LNX1: variants seen among roughly 807,000 people sequenced by gnomAD.
The protein encoded by LNX1 is ligand of numb-protein X 1.
A neutral mutation model predicts 68.4 loss-of-function variants in LNX1; 54 were observed. The ratio of observed to expected loss-of-function variants is 0.79; its 90% CI spans 0.63 to 0.99. The LOEUF (loss-of-function observed/expected upper bound fraction) is 0.99, where lower values mean the gene tolerates loss of function less well. Among genes scored for constraint, LNX1 ranks in the 50% least tolerant of loss-of-function variants. LNX1 has a pLI of 0.00. For missense variants in LNX1, 906 were observed against 926.4 expected (o/e 0.98, Z 0.29); for synonymous variants, 336 against 350.0 (o/e 0.96, Z 0.45).
intron 1 of LNX1, among the ~76,000 whole-genome samples, chr4:53,589,609 G>A (rs574036033): frequency 9.9e-5 from 15 of 152,142 alleles, no homozygotes; most frequent in Non-Finnish European, 1.9e-4. Context: ...TAGATCATGG[G>A]GATTATTATC....
chr4:53,562,680 G>A (rs1391223663), intron 2 of LNX1, among the ~76,000 whole-genome samples: 2 of 152,146 alleles, frequency 1.3e-5, no homozygotes, highest in Admixed American at 1.3e-4. Context: ...CAGTTAGACA[G>A]GAGGCATAAA....
intron 2 of LNX1, among the ~76,000 whole-genome samples, chr4:53,564,940 C>G (rs1328671791): frequency 6.6e-6 from 1 of 152,194 alleles, no homozygotes; most frequent in Non-Finnish European, 1.5e-5. Flanking sequence ...GCTTTTCCGA[C>G]GGGCTTAAAA....
intron 6 of LNX1, among the ~76,000 whole-genome samples, chr4:53,484,144 C>T (rs1485540867): frequency 6.6e-6 from 1 of 152,102 alleles, no homozygotes; most frequent in Non-Finnish European, 1.5e-5. Context: ...TTCTTGACCT[C>T]CAGAACTGTG....
intron 2 of LNX1, among the ~76,000 whole-genome samples, chr4:53,568,593 G>GGGGGGCACAAGAC (rs1347171601): frequency 1.3e-5 from 2 of 151,202 alleles, no homozygotes; most frequent in Non-Finnish European, 2.9e-5. Context: ...GCACAAGACA[G>GGGGGGCACAAGAC]GGGGGCACAA....
chr4:53,460,790 C>G lies in LNX1; in HGVS notation c.*117G>C. On this transcript the variant is annotated 3_prime_UTR_variant, in exon 11 of 11. Coordinates refer to ENST00000263925, the MANE Select transcript of LNX1 (RefSeq NM_001126328.3). ...CTTTCATTAGATGATCATACTTTTCCTGACATTTTTACAATGTATTCTTTC... is the reference window on the plus strand; with the variant it reads ...CTTTCATTAGATGATCATACTTTTCGTGACATTTTTACAATGTATTCTTTC... 1 of 1,061,070 alleles carries G rather than the reference C, an allele frequency of 9.4e-7. No individual in the cohort carries two copies. Among genetic ancestry groups the G allele is most frequent in the Non-Finnish European group, 1.4e-6 (1 of 738,854 alleles). 65.7% of individuals were successfully genotyped at this position (1,061,070 alleles called of 1,614,324 possible). A position where few individuals can be genotyped will look rare whatever the true frequency, so the allele number is the denominator to read the frequency against.
intron 2 of LNX1, among the ~76,000 whole-genome samples, chr4:53,597,261 A>G (rs971666034): frequency 2.6e-5 from 4 of 152,166 alleles, no homozygotes; most frequent in African/African-American, 7.2e-5. Flanking sequence ...CCATCAATTG[A>G]TATTCCTGAT....
At chr4:53,537,667 C>T (rs1728469227) in intron 2 of LNX1, among the ~76,000 whole-genome samples, 1 of 152,224 alleles carries the variant, frequency 6.6e-6, no homozygotes, top group Non-Finnish European at 1.5e-5. Flanking sequence ...AGGAGCCCCA[C>T]ACAGGTGGAT....
intron 2 of LNX1, among the ~76,000 whole-genome samples, chr4:53,548,745 T>G (rs1173635294): frequency 6.6e-6 from 1 of 152,210 alleles, no homozygotes; most frequent in Non-Finnish European, 1.5e-5. Flanking sequence ...TGCAGCAGTA[T>G]TCACAATAGC....
At chr4:53,638,103 A>G (rs954673033) in intron 1 of LNX1, among the ~76,000 whole-genome samples, 10 of 152,196 alleles carry the variant, frequency 6.6e-5, no homozygotes, top group Non-Finnish European at 1.0e-4. Flanking sequence ...ATCATGATAT[A>G]CTGCATTAAT....
chr4:53,611,982 G>T (rs1447517749), intron 2 of LNX1, among the ~76,000 whole-genome samples: 1 of 152,118 alleles, frequency 6.6e-6, no homozygotes, highest in East Asian at 1.9e-4. Context: ...TCTATATAGT[G>T]TGAACACTAG....
At chr4:53,533,081 C>A (rs986886737) in intron 2 of LNX1, among the ~76,000 whole-genome samples, 3 of 152,204 alleles carry the variant, frequency 2.0e-5, no homozygotes, top group African/African-American at 4.8e-5. Flanking sequence ...GGCCACATAT[C>A]AACACATGGC....
At chr4:53,528,830 G>A (rs1329211690) in intron 2 of LNX1, among the ~76,000 whole-genome samples, 2 of 152,108 alleles carry the variant, frequency 1.3e-5, no homozygotes, top group African/African-American at 4.8e-5. Flanking sequence ...ATCAAACCTA[G>A]CCAATCAGGA....
intron 2 of LNX1, among the ~76,000 whole-genome samples, chr4:53,510,843 G>T (rs888911312): frequency 3.3e-5 from 5 of 152,180 alleles, no homozygotes; most frequent in African/African-American, 1.2e-4. Flanking sequence ...GCTGGCAAAG[G>T]TACAAGCCAT....
At chr4:53,546,435 T>C (rs1729125174) in intron 2 of LNX1, among the ~76,000 whole-genome samples, 1 of 152,210 alleles carries the variant, frequency 6.6e-6, no homozygotes, top group African/African-American at 2.4e-5. Context: ...TGCCTAGAGC[T>C]GGTAGTTTAA....
intron 7 of LNX1, among the ~76,000 whole-genome samples, chr4:53,481,016 T>G (rs1723877527): frequency 6.6e-6 from 1 of 152,160 alleles, no homozygotes; most frequent in Admixed American, 6.5e-5. Flanking sequence ...TAAACAAGGT[T>G]TGTGTTGCTT....
intron 2 of LNX1, among the ~76,000 whole-genome samples, chr4:53,535,448 C>T (rs534478108): frequency 6.6e-6 from 1 of 152,298 alleles, no homozygotes; most frequent in African/African-American, 2.4e-5. Context: ...TGCTTACCTG[C>T]AAGGGTACAT....
At chr4:53,565,706 C>T (rs1416828933) in intron 2 of LNX1, among the ~76,000 whole-genome samples, 177 of 147,716 alleles carry the variant, frequency 1.2e-3, no homozygotes, top group African/African-American at 3.6e-3. Flanking sequence ...CTCTGAGCTA[C>T]GGGAGGACAT....
At chr4:53,578,993 C>T (rs569072817) in intron 1 of LNX1, among the ~76,000 whole-genome samples, 61 of 151,926 alleles carry the variant, frequency 4.0e-4, no homozygotes, top group African/African-American at 1.3e-3. Flanking sequence ...TGATGTATCA[C>T]GTTTTCAGAC....
intron 6 of LNX1, among the ~76,000 whole-genome samples, chr4:53,482,576 G>A (rs1197539460): frequency 5.3e-5 from 8 of 152,326 alleles, no homozygotes; most frequent in Non-Finnish European, 1.0e-4. Flanking sequence ...GGAACTGGAG[G>A]CCATTATTTT....
Sources: gnomAD v4.1 joint callset for allele counts (sites outside exome capture counted in the v4.1 genomes callset) on GRCh38, gnomAD v4.1.1 for gene constraint, MANE v1.5 for transcripts, NCBI Gene and HGNC (gene_info 2026-07-23, HGNC 2026-07-21) for gene names.